RBFOX1: variants seen among roughly 807,000 people sequenced by gnomAD.
RBFOX1 encodes the protein RNA binding protein fox-1 homolog 1.
In RBFOX1, 8 loss-of-function variants were observed where a neutral mutation model predicts 57.7. That is an observed-to-expected ratio of 0.14 (90% CI 0.08 to 0.25). The LOEUF (loss-of-function observed/expected upper bound fraction) is 0.25, where lower values mean the gene tolerates loss of function less well. RBFOX1 is among the 10% of genes least tolerant of loss of function. The pLI is 1.00. For missense variants in RBFOX1, 611 were observed against 548.5 expected, an observed-to-expected ratio of 1.11 and a Z score of -1.14; for synonymous variants, 326 against 222.4, an observed-to-expected ratio of 1.47 and a Z score of -4.15.
intron 3 of RBFOX1, among the ~76,000 whole-genome samples, chr16:6,980,089 A>T (rs996974726): frequency 3.3e-5 from 5 of 152,236 alleles, no homozygotes; most frequent in African/African-American, 1.2e-4. Context: ...CTGGTGTTAG[A>T]GTGTAGTAGA....
At chr16:6,744,297 G>A (rs189907857) in intron 3 of RBFOX1, among the ~76,000 whole-genome samples, 2 of 152,024 alleles carry the variant, frequency 1.3e-5, no homozygotes, top group Non-Finnish European at 2.9e-5. Context: ...AGAATAAATA[G>A]CTAGAAAATT....
intron 3 of RBFOX1, among the ~76,000 whole-genome samples, chr16:6,895,444 GTGTGTATATATATATATATA>G (rs1399099768): frequency 0.021 from 1,506 of 73,442 alleles, 39 homozygotes; most frequent in African/African-American, 0.088. Flanking sequence ...GTGTGTGTGT[GTGTGTATATATATATATATA>G]TATATATATA....
chr16:7,299,448 GT>G lies in RBFOX1; in HGVS notation c.28-218696del, dbSNP rs553519856. 3.3e-5 allele frequency among the ~76,000 whole-genome samples: 5 copies of G among 152,326 alleles called. No individual in the cohort carries two copies. In the South Asian group the frequency reaches 8.3e-4, roughly 25 times the overall value. On this transcript the variant is annotated intron_variant, in intron 4 of 15. Transcript: ENST00000550418. ...ACACCCAAACTAGAAAGCTAGAGGA[GT>G]TTGAGGGTCCTTTACACAGAATCAG...
At chr16:6,910,864 C>T (rs1304367980) in intron 3 of RBFOX1, among the ~76,000 whole-genome samples, 3 of 152,150 alleles carry the variant, frequency 2.0e-5, no homozygotes, top group Admixed American at 1.3e-4. Context: ...CCATTTCATG[C>T]TGGTCTTTAT....
intron 3 of RBFOX1, among the ~76,000 whole-genome samples, chr16:5,843,454 A>G (rs2056677021): frequency 6.6e-6 from 1 of 152,200 alleles, no homozygotes; most frequent in Admixed American, 6.5e-5. Flanking sequence ...TGTTCCAACA[A>G]AGGACATGAT....
chr16:5,709,270 A>C (rs2051365211), intron 3 of RBFOX1, among the ~76,000 whole-genome samples: 1 of 152,170 alleles, frequency 6.6e-6, no homozygotes, highest in Non-Finnish European at 1.5e-5. Flanking sequence ...AGCAAAGACG[A>C]TGGGTGCATA....
chr16:7,602,901 A>G (rs1427667297), intron 9 of RBFOX1, among the ~76,000 whole-genome samples: 3 of 152,356 alleles, frequency 2.0e-5, no homozygotes, highest in Admixed American at 1.3e-4. Context: ...TTAGACCATA[A>G]TAGAATAAAA....
In RBFOX1 at chr16:5,278,906, TG is replaced by T. The variant is rs537287220; in HGVS notation, c.219+38803del. Among the ~76,000 whole-genome samples the T allele has an allele frequency of 2.2e-3, 330 of 152,312 alleles. 3 individuals carry two copies. Among genetic ancestry groups the T allele is most frequent in the Admixed American group, 3.7e-3 (56 of 15,282 alleles). Reference sequence around the variant, plus strand: ...TGAAAATCAGTTAGCTGTAAATACGTGGATTCATTTCTGGGTTCTTTGGTCT... The same window carrying T: ...TGAAAATCAGTTAGCTGTAAATACGTGATTCATTTCTGGGTTCTTTGGTCT... On this transcript the variant is annotated intron_variant, in intron 1 of 2. Transcript: ENST00000585867.
chr16:6,935,145 A>T (rs1203810180), intron 3 of RBFOX1, among the ~76,000 whole-genome samples: 1 of 152,142 alleles, frequency 6.6e-6, no homozygotes, highest in African/African-American at 2.4e-5. Flanking sequence ...AGTGACCTTG[A>T]GCTATATGCC....
chr16:5,432,260 A>T (rs1371757070), intron 1 of RBFOX1, among the ~76,000 whole-genome samples: 1 of 152,200 alleles, frequency 6.6e-6, no homozygotes, highest in Non-Finnish European at 1.5e-5. Flanking sequence ...AAATAAAAAC[A>T]TGGTTACAGT....
At chr16:7,605,202 A>T (rs1044451012) in intron 9 of RBFOX1, among the ~76,000 whole-genome samples, 2 of 152,200 alleles carry the variant, frequency 1.3e-5, no homozygotes, top group African/African-American at 4.8e-5. Context: ...CAGTTGATCA[A>T]ATTGAAGTCA....
intron 4 of RBFOX1, among the ~76,000 whole-genome samples, chr16:7,399,263 C>A (rs2098195704): frequency 6.6e-6 from 1 of 151,598 alleles, no homozygotes; most frequent in African/African-American, 2.4e-5. Flanking sequence ...GCTTGACCAA[C>A]ACGGAGAAAC....
rs184104477 is a variant in RBFOX1 at position 5,640,670 on chromosome 16, G to C, written c.318+41709G>C. Among the ~76,000 whole-genome samples, 996 of 148,860 alleles carry C rather than the reference G, an allele frequency of 6.7e-3. 14 individuals carry two copies. The highest frequency in any genetic ancestry group is 0.024 in the African/African-American group (962 of 40,116). On this transcript the variant is annotated intron_variant, in intron 3 of 19. Coordinates refer to the RBFOX1 transcript ENST00000641259. ...ATGCACAGCATGCATACACATACAT[G>C]CATACACACAAGCACACCATGGATA...
chr16:7,575,365 C>T (rs1282540918), intron 5 of RBFOX1, among the ~76,000 whole-genome samples: 1 of 152,118 alleles, frequency 6.6e-6, no homozygotes, highest in African/African-American at 2.4e-5. Flanking sequence ...GAACTCCTTA[C>T]CTCATGATCT....
At chr16:6,682,746 T>G (rs2058846716) in intron 3 of RBFOX1, among the ~76,000 whole-genome samples, 1 of 151,914 alleles carries the variant, frequency 6.6e-6, no homozygotes, top group South Asian at 2.1e-4. Context: ...ATGTTATCAT[T>G]ACCAGTAGAT....
At chr16:6,682,213 C>A (rs1410937093) in intron 3 of RBFOX1, among the ~76,000 whole-genome samples, 1 of 152,180 alleles carries the variant, frequency 6.6e-6, no homozygotes, top group East Asian at 1.9e-4. Context: ...ACAACAGCAA[C>A]GAACAACGCA....
chr16:5,885,566 A>G (rs562136051), intron 4 of RBFOX1, among the ~76,000 whole-genome samples: 6 of 152,114 alleles, frequency 3.9e-5, no homozygotes, highest in Admixed American at 2.6e-4. Context: ...AGTGATGGGT[A>G]AGAGTGTTTG....
chr16:6,447,247 C>T (rs1451128716), intron 2 of RBFOX1, among the ~76,000 whole-genome samples: 1 of 152,092 alleles, frequency 6.6e-6, no homozygotes, highest in African/African-American at 2.4e-5. Flanking sequence ...ACAGAGTCTG[C>T]CAGAAAGGCC....
At chr16:5,248,957 C>A (rs1170915616) in intron 1 of RBFOX1, among the ~76,000 whole-genome samples, 2 of 133,950 alleles carry the variant, frequency 1.5e-5, no homozygotes, top group Non-Finnish European at 3.1e-5. Flanking sequence ...CAGTGCACTC[C>A]AGCCTGGACA....
Sources: allele counts gnomAD v4.1 joint callset (sites outside exome capture counted in the v4.1 genomes callset), GRCh38; gene constraint gnomAD v4.1.1; transcripts MANE v1.5; gene names NCBI Gene and HGNC (gene_info 2026-07-23, HGNC 2026-07-21).